Variants in TSPAN9 observed in about 807,000 individuals in gnomAD.
TSPAN9 encodes the protein tetraspanin 9.
Under a neutral mutation model 31.0 loss-of-function variants are expected in TSPAN9, and 16 were observed. The observed-to-expected ratio is 0.52, with a 90% CI of 0.35 to 0.78. The LOEUF (loss-of-function observed/expected upper bound fraction) is 0.78. Among genes scored for constraint, TSPAN9 ranks in the 30% least tolerant of loss-of-function variants. The pLI is 0.01. For missense variants in TSPAN9, 272 were observed against 312.5 expected (o/e 0.87, Z 0.98); for synonymous variants, 145 against 121.6 (o/e 1.19, Z -1.27).
At chr12:3,167,539 A>G (rs73249056) in intron 2 of TSPAN9, among the ~76,000 whole-genome samples, 4,356 of 152,280 alleles carry the variant, frequency 0.029, 211 homozygotes, top group African/African-American at 0.099. Context: ...ACAGGTGCTA[A>G]TAAAACTAGT....
At chr12:3,282,318 A>G (rs1056001948) in intron 8 of TSPAN9, among the ~76,000 whole-genome samples, 5 of 152,084 alleles carry the variant, frequency 3.3e-5, no homozygotes, top group Non-Finnish European at 5.9e-5. Flanking sequence ...ACATCACTGG[A>G]AAGACAGCCC....
chr12:3,225,418 C>T (rs1284341100), intron 3 of TSPAN9, among the ~76,000 whole-genome samples: 1 of 152,078 alleles, frequency 6.6e-6, no homozygotes, highest in Non-Finnish European at 1.5e-5. Flanking sequence ...GAAAGTGAGG[C>T]CTGCAGAGAC....
intron 3 of TSPAN9, among the ~76,000 whole-genome samples, chr12:3,235,645 GTCGACTGCA>G (rs1299949747): frequency 6.6e-6 from 1 of 152,170 alleles, no homozygotes; most frequent in Non-Finnish European, 1.5e-5. Context: ...TTTGGAAGGT[GTCGACTGCA>G]TCCTGTCTCC....
At position 3,168,545 on chromosome 12, in the gene TSPAN9, G is replaced by A. The variant is rs759210619; in HGVS notation, c.-17-32632G>A. 2.6e-5 allele frequency among the ~76,000 whole-genome samples: 4 copies of A among 152,114 alleles called. No homozygotes were observed. The highest frequency in any genetic ancestry group is 5.9e-5 in the Non-Finnish European group (4 of 68,022). On this transcript the variant is annotated intron_variant, in intron 2 of 8. Coordinates refer to ENST00000011898, the MANE Select transcript of TSPAN9 (RefSeq NM_006675.5). This position sits in a 1 kb window ranked among gnomAD's most constrained non-coding sequence, Gnocchi z 4.0. ...CTGGGAGGTGCCAGAGCTGGGGGGC[G>A]GTGGGGAGCTGACTTACTTTCTCTT...
intron 2 of TSPAN9, among the ~76,000 whole-genome samples, chr12:3,132,055 A>G (rs926724493): frequency 3.3e-5 from 5 of 152,218 alleles, no homozygotes; most frequent in African/African-American, 1.2e-4. Flanking sequence ...TCCTGCACTT[A>G]GCGTATTTTC....
At chr12:3,255,999 G>T (rs1862338394) in intron 3 of TSPAN9, among the ~76,000 whole-genome samples, 1 of 152,190 alleles carries the variant, frequency 6.6e-6, no homozygotes, top group Non-Finnish European at 1.5e-5. Context: ...TTCAGGCAGG[G>T]CTGTTAGCTG....
intron 2 of TSPAN9, among the ~76,000 whole-genome samples, chr12:3,103,961 G>A: frequency 6.6e-6 from 1 of 152,184 alleles, no homozygotes; most frequent in East Asian, 1.9e-4. Flanking sequence ...GTAAAGCAGG[G>A]CGGGACGGGA....
intron 3 of TSPAN9, among the ~76,000 whole-genome samples, chr12:3,222,466 G>A (rs2098385085): frequency 6.6e-6 from 1 of 152,220 alleles, no homozygotes; most frequent in African/African-American, 2.4e-5. Context: ...CCTTCTGTCT[G>A]CCAGGCTAAT....
chr12:3,224,546 T>C (rs968094913), intron 3 of TSPAN9, among the ~76,000 whole-genome samples: 10 of 152,164 alleles, frequency 6.6e-5, no homozygotes, highest in Admixed American at 5.9e-4. Context: ...CCGTTCAGGG[T>C]TGTTTTCCAT....
At chr12:3,160,947 G>A (rs2098344803) in intron 2 of TSPAN9, among the ~76,000 whole-genome samples, 1 of 152,144 alleles carries the variant, frequency 6.6e-6, no homozygotes, top group Admixed American at 6.5e-5. Flanking sequence ...TGGCTGGGCT[G>A]CGGTGGCTCA....
At chr12:3,090,390 TGCGGTA>T (rs1407908785) in intron 2 of TSPAN9, among the ~76,000 whole-genome samples, 4 of 152,248 alleles carry the variant, frequency 2.6e-5, no homozygotes, top group African/African-American at 9.6e-5. Flanking sequence ...GGCTTATTAA[TGCGGTA>T]GCAGTCAGCT....
Position 3,280,303 on chromosome 12 carries a change from C to T in TSPAN9, c.331-79C>T. 1 of 1,305,624 alleles carries T rather than the reference C, an allele frequency of 7.7e-7. No individual in the cohort carries two copies. The highest frequency in any genetic ancestry group is 1.1e-6 in the Non-Finnish European group (1 of 913,838). 80.9% of individuals were successfully genotyped at this position (1,305,624 alleles called of 1,614,324 possible). A position where few individuals can be genotyped will look rare whatever the true frequency, so the allele number is the denominator to read the frequency against. On this transcript the variant is annotated intron_variant, in intron 5 of 8. Coordinates refer to ENST00000011898, the MANE Select transcript of TSPAN9 (RefSeq NM_006675.5). This position sits in a 1 kb window ranked among gnomAD's most constrained non-coding sequence, Gnocchi z 4.5. ...TCACTCCTCATCTGTCACCCACCAT[C>T]CTGGGTGACCTGAGGTGGGCTGGAG... is the stretch of plus-strand genomic sequence containing the variant.
In TSPAN9 at chr12:3,113,960, T is replaced by TC. The variant is rs368017924; in HGVS notation, c.-18+30247dup. 3.1e-3 allele frequency among the ~76,000 whole-genome samples: 466 copies of TC among 152,262 alleles called. 4 individuals are homozygous for TC. The South Asian group carries it at 0.039, about 13-fold the overall frequency. On this transcript the variant is annotated intron_variant, in intron 2 of 8. Coordinates refer to ENST00000011898, the MANE Select transcript of TSPAN9 (RefSeq NM_006675.5). ...AGGTTCTTCCCCTCCCAGCAGCATT[T>TC]CCCCCCATTTATCATTGTGTACTCA...
intron 2 of TSPAN9, among the ~76,000 whole-genome samples, chr12:3,126,626 G>A (rs111481494): frequency 0.019 from 2,931 of 152,268 alleles, 92 homozygotes; most frequent in African/African-American, 0.066. Flanking sequence ...ACAGAGATTT[G>A]GGCCAGGCCT....
chr12:3,178,175 G>A (rs1007338811), intron 2 of TSPAN9, among the ~76,000 whole-genome samples: 2 of 151,988 alleles, frequency 1.3e-5, no homozygotes, highest in Admixed American at 6.6e-5. Flanking sequence ...CGCTACCCAC[G>A]TATCCACTCC....
rs540460727 is a variant in TSPAN9, at chr12:3,113,765, C to T, written c.-18+30046C>T. 3.9e-5 allele frequency among the ~76,000 whole-genome samples: 6 copies of T among 152,304 alleles called. No individual in the cohort carries two copies. In the East Asian group the frequency reaches 1.2e-3, roughly 30 times the overall value. ...CCCTGCCCTTCACTCTGCCCTGCAG[C>T]CTCAGTGTCCTTTTACTCTTCTATT... is the stretch of plus-strand genomic sequence containing the variant. On this transcript the variant is annotated intron_variant, in intron 2 of 8. Transcript: ENST00000011898.
At chr12:3,230,645 C>G (rs1230992641) in intron 3 of TSPAN9, among the ~76,000 whole-genome samples, 1 of 152,122 alleles carries the variant, frequency 6.6e-6, no homozygotes, top group Admixed American at 6.5e-5. Context: ...CCTGGAGACC[C>G]TGCCTCATAC....
intron 2 of TSPAN9, among the ~76,000 whole-genome samples, chr12:3,088,817 T>C (rs1206727350): frequency 6.6e-6 from 1 of 151,960 alleles, no homozygotes; most frequent in Non-Finnish European, 1.5e-5. Flanking sequence ...AGGTGTGGCC[T>C]GCAGGAGAGG....
intron 3 of TSPAN9, among the ~76,000 whole-genome samples, chr12:3,272,555 C>T (rs759592725): frequency 6.6e-5 from 10 of 151,654 alleles, no homozygotes; most frequent in East Asian, 1.9e-4. Context: ...TGCGCCCGGC[C>T]GTGTGTGTGT....
Sources: gnomAD v4.1 joint callset for allele counts (sites outside exome capture counted in the v4.1 genomes callset) on GRCh38, gnomAD v4.1.1 for gene constraint, Gnocchi (gnomAD v3.1) non-coding constraint, MANE v1.5 for transcripts, NCBI Gene and HGNC (gene_info 2026-07-23, HGNC 2026-07-21) for gene names.